The following EPHA6 variants were observed in gnomAD, a reference collection of about 807,000 sequenced individuals.
The protein encoded by EPHA6 is EPH receptor A6, also known as ephrin type-A receptor 6.
In EPHA6, 50 loss-of-function variants were observed where a neutral mutation model predicts 112.0. The ratio of observed to expected loss-of-function variants is 0.45; its 90% CI spans 0.36 to 0.56. The LOEUF (loss-of-function observed/expected upper bound fraction) is 0.56. EPHA6 is among the 20% of genes least tolerant of loss of function. The pLI is 0.00. For missense variants in EPHA6, 1,280 were observed against 1,417.4 expected (o/e 0.90, Z 1.56); for synonymous variants, 529 against 490.7 (o/e 1.08, Z -1.03).
At chr3:97,371,816 A>C (rs1559931621) in intron 5 of EPHA6, among the ~76,000 whole-genome samples, 1 of 152,142 alleles carries the variant, frequency 6.6e-6, no homozygotes, top group Non-Finnish European at 1.5e-5. Flanking sequence ...TAGGCCTCTA[A>C]AGTGGCTGCT....
rs192324756 is a variant in EPHA6 at position 97,543,124 on chromosome 3, C to T, written c.2386+10581C>T. On this transcript the variant is annotated intron_variant, in intron 11 of 17. Transcript: ENST00000389672. ...ACTAGATCCCATTTGTCAATTTTGT[C>T]TTTTGTTGCCATGCTTTTGGTGTTT... 4.2e-3 allele frequency among the ~76,000 whole-genome samples: 643 copies of T among 152,206 alleles called. 3 individuals are homozygous for T. Among genetic ancestry groups the T allele is most frequent in the African/African-American group, 0.013 (534 of 41,522 alleles).
chr3:96,856,620 C>A (rs535307371), intron 1 of EPHA6, among the ~76,000 whole-genome samples: 9 of 152,102 alleles, frequency 5.9e-5, no homozygotes, highest in African/African-American at 2.2e-4. Context: ...AAAATTAATT[C>A]CTGTAAATAG....
At chr3:97,271,860 T>C (rs1378566805) in intron 5 of EPHA6, among the ~76,000 whole-genome samples, 1 of 152,224 alleles carries the variant, frequency 6.6e-6, no homozygotes, top group African/African-American at 2.4e-5. Flanking sequence ...CATATGCATA[T>C]GAAATGATTA....
intron 2 of EPHA6, among the ~76,000 whole-genome samples, chr3:96,881,804 C>T (rs1446684013): frequency 6.6e-6 from 1 of 152,204 alleles, no homozygotes; most frequent in Non-Finnish European, 1.5e-5. Flanking sequence ...TAAATACAGG[C>T]ATTCCAAATG....
chr3:97,072,623 CT>C (rs2046395263), intron 3 of EPHA6, among the ~76,000 whole-genome samples: 1 of 152,052 alleles, frequency 6.6e-6, no homozygotes, highest in Non-Finnish European at 1.5e-5. Context: ...CAAAAACTAA[CT>C]GAGAATCATG....
chr3:97,604,665 C>T (rs757105598), intron 12 of EPHA6, among the ~76,000 whole-genome samples: 1 of 151,470 alleles, frequency 6.6e-6, no homozygotes, highest in Non-Finnish European at 1.5e-5. Flanking sequence ...TTATGTAGAA[C>T]ATGATATTAT....
At chr3:97,578,778 T>A (rs979741356) in intron 11 of EPHA6, among the ~76,000 whole-genome samples, 6 of 152,196 alleles carry the variant, frequency 3.9e-5, no homozygotes, top group Non-Finnish European at 7.3e-5. Context: ...ATCATAAATT[T>A]AAAAAATTTC....
intron 7 of EPHA6, among the ~76,000 whole-genome samples, chr3:97,471,368 T>C (rs1159628853): frequency 6.6e-6 from 1 of 151,746 alleles, no homozygotes; most frequent in Non-Finnish European, 1.5e-5. Flanking sequence ...GTGTCTGTCT[T>C]CCCCACTGAA....
At chr3:97,706,194 T>C (rs2033666635) in intron 14 of EPHA6, among the ~76,000 whole-genome samples, 1 of 152,332 alleles carries the variant, frequency 6.6e-6, no homozygotes, top group African/African-American at 2.4e-5. Flanking sequence ...ATTCTTTTTA[T>C]GAGACATTTA....
At chr3:97,450,404 T>A (rs1353377832) in intron 7 of EPHA6, among the ~76,000 whole-genome samples, 1 of 152,064 alleles carries the variant, frequency 6.6e-6, no homozygotes, top group Non-Finnish European at 1.5e-5. Context: ...TTTCACAGAT[T>A]TAAAAAATTC....
At chr3:97,275,664 G>T (rs999245898) in intron 5 of EPHA6, among the ~76,000 whole-genome samples, 1 of 152,164 alleles carries the variant, frequency 6.6e-6, no homozygotes, top group African/African-American at 2.4e-5. Flanking sequence ...AAAAGGCCAT[G>T]CTGTAACAGG....
chr3:97,276,015 G>A (rs1002778454), intron 5 of EPHA6, among the ~76,000 whole-genome samples: 1 of 152,186 alleles, frequency 6.6e-6, no homozygotes, highest in African/African-American at 2.4e-5. Context: ...TGTTGTCCAA[G>A]TTGGCAGCAG....
At chr3:97,686,833 C>T (rs1001209023) in intron 14 of EPHA6, among the ~76,000 whole-genome samples, 3 of 152,142 alleles carry the variant, frequency 2.0e-5, no homozygotes, top group African/African-American at 7.2e-5. Context: ...ATCTTGGAGT[C>T]TGTGTTCTTT....
At chr3:96,883,342 T>C (rs2037433053) in intron 2 of EPHA6, among the ~76,000 whole-genome samples, 1 of 152,210 alleles carries the variant, frequency 6.6e-6, no homozygotes, top group African/African-American at 2.4e-5. Context: ...GTATAGATTG[T>C]GAAGATTTTC....
At chr3:97,445,385 T>A (rs1311412427) in intron 6 of EPHA6, among the ~76,000 whole-genome samples, 1 of 152,162 alleles carries the variant, frequency 6.6e-6, no homozygotes, top group Non-Finnish European at 1.5e-5. Flanking sequence ...GCCATTTATT[T>A]ACTCCCTGAT....
At chr3:97,038,757 C>T (rs944380524) in intron 3 of EPHA6, among the ~76,000 whole-genome samples, 2 of 152,024 alleles carry the variant, frequency 1.3e-5, no homozygotes, top group African/African-American at 2.4e-5. Flanking sequence ...TGGTTGTCTA[C>T]TTCAGTCTTA....
At chr3:96,881,605 T>A (rs1346198779) in intron 2 of EPHA6, among the ~76,000 whole-genome samples, 1 of 152,168 alleles carries the variant, frequency 6.6e-6, no homozygotes, top group East Asian at 1.9e-4. Flanking sequence ...CCCTGGCCCC[T>A]GTCAAATCTC....
intron 6 of EPHA6, among the ~76,000 whole-genome samples, chr3:97,432,690 G>A (rs1268930888): frequency 6.6e-6 from 1 of 152,130 alleles, no homozygotes; most frequent in Non-Finnish European, 1.5e-5. Flanking sequence ...GGCTGGCAAG[G>A]CCTCAGGAAA....
intron 3 of EPHA6, among the ~76,000 whole-genome samples, chr3:97,218,203 G>A (rs2078087329): frequency 2.0e-5 from 3 of 151,902 alleles, no homozygotes; most frequent in Non-Finnish European, 2.9e-5. Context: ...CTTGGGAGGT[G>A]GAGGCTGCAG....
Sources: allele counts gnomAD v4.1 joint callset (sites outside exome capture counted in the v4.1 genomes callset), GRCh38; gene constraint gnomAD v4.1.1; transcripts MANE v1.5; gene names NCBI Gene and HGNC (gene_info 2026-07-23, HGNC 2026-07-21).